Variants in SH3BGR observed in about 807,000 individuals in gnomAD.
The protein encoded by SH3BGR is SH3 domain binding glutamate rich protein.
A neutral mutation model predicts 24.5 loss-of-function variants in SH3BGR; 29 were observed. That is an observed-to-expected ratio of 1.18 (90% CI 0.88 to 1.61). The LOEUF (loss-of-function observed/expected upper bound fraction) is 1.61. Among genes scored for constraint, SH3BGR ranks in the 40% most tolerant of loss-of-function variants. The pLI, the probability that SH3BGR is intolerant of heterozygous loss-of-function variation, is 0.00. For missense variants in SH3BGR, 162 were observed against 205.8 expected, an observed-to-expected ratio of 0.79 and a Z score of 1.30; for synonymous variants, 55 against 65.7, an observed-to-expected ratio of 0.84 and a Z score of 0.79.
At chr21:39,448,975 C>T (rs1414371870), upstream of SH3BGR, among the ~76,000 whole-genome samples, 1 of 146,944 alleles carries the variant, frequency 6.8e-6, no homozygotes, top group Non-Finnish European at 1.5e-5. Context: ...TATTGATAAA[C>T]AGCTGCAGAC....
chr21:39,471,348 G>A (rs569083085), intron 2 of SH3BGR, among the ~76,000 whole-genome samples: 4 of 152,246 alleles, frequency 2.6e-5, no homozygotes, highest in Admixed American at 6.5e-5. Flanking sequence ...TTGGGAGGCC[G>A]AGGTGGGAGG....
chr21:39,496,506 CAAAAAAAAA>C, intron 3 of SH3BGR, among the ~76,000 whole-genome samples: 1 of 103,028 alleles, frequency 9.7e-6, no homozygotes, highest in South Asian at 3.1e-4. Flanking sequence ...GACTCCGTCT[CAAAAAAAAA>C]AAAAAAAAAA....
In SH3BGR at chr21:39,511,601, C is replaced by T; in HGVS notation, c.436-79C>T. The T allele has an allele frequency of 6.8e-7, 1 of 1,461,892 alleles. No homozygotes were observed. The highest frequency in any genetic ancestry group is 9.3e-7 in the Non-Finnish European group (1 of 1,072,584). The allele number at this position is 1,461,892 out of a possible 1,614,324, so 90.6% of individuals were successfully genotyped here. A position where few individuals can be genotyped will look rare whatever the true frequency, so the allele number is the denominator to read the frequency against. On this transcript the variant is annotated intron_variant, in intron 5 of 6. Transcript: ENST00000333634. The surrounding 1 kb of genome is among the most constrained non-coding windows in gnomAD (Gnocchi z 4.2). ...GTGTGGGAGGCTTTGACCTCTAGTC[C>T]AGCATTTTACAGTCTTTTTCTCACT...
At chr21:39,497,623 A>G (rs537520716) in intron 3 of SH3BGR, among the ~76,000 whole-genome samples, 2 of 152,274 alleles carry the variant, frequency 1.3e-5, no homozygotes, top group South Asian at 4.1e-4. Context: ...TGAGCAATGC[A>G]TTCACTGCAA....
intron 2 of SH3BGR, among the ~76,000 whole-genome samples, chr21:39,470,462 A>G (rs937900184): frequency 1.1e-4 from 17 of 152,096 alleles, no homozygotes; most frequent in African/African-American, 2.7e-4. Context: ...GGGGTTCACC[A>G]TGTTGGCCAG....
chr21:39,478,893 G>C (rs1277353942), intron 3 of SH3BGR, among the ~76,000 whole-genome samples: 1 of 151,564 alleles, frequency 6.6e-6, no homozygotes, highest in Admixed American at 6.6e-5. Flanking sequence ...TTATTATGTA[G>C]GTTCATTATT....
chr21:39,472,606 G>C (rs1176639611), intron 2 of SH3BGR, among the ~76,000 whole-genome samples: 1 of 152,150 alleles, frequency 6.6e-6, no homozygotes, highest in African/African-American at 2.4e-5. Context: ...ATCACACATG[G>C]CATGGGAATT....
At chr21:39,469,357 G>T (rs1033776788) in intron 2 of SH3BGR, among the ~76,000 whole-genome samples, 1 of 150,242 alleles carries the variant, frequency 6.7e-6, no homozygotes. Flanking sequence ...TTGTTCGTTT[G>T]TTTGTTTTTG....
At position 39,485,605 on chromosome 21, in the gene SH3BGR, C is replaced by T. The variant is rs189934458; in HGVS notation, c.312+10390C>T. ...TGGATCTTGTGGATCTTGGGTTAGT[C>T]GTCTAATGAACCCATCTGCTTCTCA... On this transcript the variant is annotated intron_variant, in intron 3 of 6. Transcript: ENST00000333634. 2.6e-3 allele frequency among the ~76,000 whole-genome samples: 401 copies of T among 151,984 alleles called. 2 individuals carry two copies. The highest frequency in any genetic ancestry group is 9.0e-3 in the African/African-American group (371 of 41,448).
At chr21:39,447,226 C>T (rs1429048611), upstream of SH3BGR, among the ~76,000 whole-genome samples, 4 of 151,900 alleles carry the variant, frequency 2.6e-5, no homozygotes, top group African/African-American at 9.7e-5. Context: ...GGTGGTGGCC[C>T]CATGACAGTA....
At chr21:39,514,398 A>G (rs559512233) in intron 6 of SH3BGR, among the ~76,000 whole-genome samples, 1 of 151,932 alleles carries the variant, frequency 6.6e-6, no homozygotes, top group South Asian at 2.1e-4. Flanking sequence ...ACAGGGTCTC[A>G]CTCTGTCACC....
At chr21:39,488,431 G>A (rs547894846) in intron 3 of SH3BGR, 5 of 236,634 alleles carry the variant, frequency 2.1e-5, no homozygotes, top group East Asian at 1.9e-4. Flanking sequence ...GGGACATGAC[G>A]AGGGCCTTGG....
At chr21:39,464,420 A>G (rs768099702) in intron 2 of SH3BGR, among the ~76,000 whole-genome samples, 1 of 152,110 alleles carries the variant, frequency 6.6e-6, no homozygotes, top group Non-Finnish European at 1.5e-5. Flanking sequence ...ACAAGGTTTC[A>G]CCACATTGGC....
At position 39,475,142 on chromosome 21, in the gene SH3BGR, ACT is replaced by A; in HGVS notation, c.242_243del (p.Ser81PhefsTer29). ...CTTTTTCTTTGCTTCAAGGATTTTG[ACT>A]CTTTCTTCTCTGCAAAAGAAGAGAA... On this transcript the variant is annotated frameshift_variant, in exon 3 of 7. Transcript: ENST00000333634. LOFTEE classifies it high-confidence loss of function. 2 of 1,604,960 alleles carry A rather than the reference ACT, an allele frequency of 1.2e-6. No homozygotes were observed. Among genetic ancestry groups the A allele is most frequent in the Non-Finnish European group, 1.7e-6 (2 of 1,172,696 alleles).
At chr21:39,481,091 A>G (rs2078122935) in intron 3 of SH3BGR, among the ~76,000 whole-genome samples, 1 of 152,194 alleles carries the variant, frequency 6.6e-6, no homozygotes, top group South Asian at 2.1e-4. Context: ...GTTATATTGT[A>G]TGAAATCTGC....
chr21:39,463,084 A>G (rs932950785), intron 2 of SH3BGR, among the ~76,000 whole-genome samples: 8 of 152,106 alleles, frequency 5.3e-5, no homozygotes, highest in Admixed American at 1.3e-4. Context: ...GGGTCTCCCT[A>G]TGTTGCCCAG....
upstream of SH3BGR, chr21:39,451,725 T>C: frequency 1.3e-6 from 1 of 759,472 alleles, no homozygotes; most frequent in Non-Finnish European, 2.1e-6. Flanking sequence ...CCACCTCCCT[T>C]GGCCCCAAGG....
chr21:39,447,258 T>C (rs2077501924), upstream of SH3BGR, among the ~76,000 whole-genome samples: 1 of 151,976 alleles, frequency 6.6e-6, no homozygotes, highest in Admixed American at 6.6e-5. Flanking sequence ...GTTTTGCCAT[T>C]GCGGGAGCAT....
At chr21:39,449,455 A>C (rs891406122), upstream of SH3BGR, among the ~76,000 whole-genome samples, 5 of 152,172 alleles carry the variant, frequency 3.3e-5, no homozygotes, top group Non-Finnish European at 7.3e-5. Flanking sequence ...TTCTTTCTGA[A>C]GTGGATTTTG....
Sources: allele counts gnomAD v4.1 joint callset (sites outside exome capture counted in the v4.1 genomes callset), GRCh38; gene constraint gnomAD v4.1.1; non-coding constraint Gnocchi (gnomAD v3.1); transcripts MANE v1.5; gene names NCBI Gene and HGNC (gene_info 2026-07-23, HGNC 2026-07-21).